TCF4: variants seen among roughly 807,000 people sequenced by gnomAD.
TCF4 encodes transcription factor 4, also known as SL3-3 enhancer factor 2.
TCF4 carries 3 observed loss-of-function variants against 82.1 expected under a neutral mutation model. The ratio of observed to expected loss-of-function variants is 0.04; its 90% confidence interval spans 0.02 to 0.09. The LOEUF (loss-of-function observed/expected upper bound fraction) is 0.09, where lower values mean the gene tolerates loss of function less well. Ranked by LOEUF, TCF4 falls within the 10% of genes least tolerant of loss-of-function variation. The pLI is 1.00. For synonymous variants in TCF4, 276 were observed against 309.6 expected (o/e 0.89, Z 1.14); for missense variants, 518 against 852.7 (o/e 0.61, Z 4.89).
At chr18:55,328,871 C>G (rs1352064101) in intron 8 of TCF4, among the ~76,000 whole-genome samples, 1 of 152,114 alleles carries the variant, frequency 6.6e-6, no homozygotes, top group Non-Finnish European at 1.5e-5. Flanking sequence ...GGTTTTCATT[C>G]TAAATGAACT....
intron 3 of TCF4, among the ~76,000 whole-genome samples, chr18:55,573,799 T>G (rs1038047169): frequency 2.0e-5 from 3 of 152,238 alleles, no homozygotes; most frequent in African/African-American, 7.2e-5. Flanking sequence ...TATCCATTAA[T>G]GTCTGTGTCC....
intron 3 of TCF4, among the ~76,000 whole-genome samples, chr18:55,475,294 C>T (rs2096267625): frequency 6.6e-6 from 1 of 152,110 alleles, no homozygotes; most frequent in South Asian, 2.1e-4. Flanking sequence ...AAATGTTTCT[C>T]AATTTGGGAG....
intron 8 of TCF4, among the ~76,000 whole-genome samples, chr18:55,305,270 G>A (rs959789431): frequency 8.5e-5 from 13 of 152,240 alleles, no homozygotes; most frequent in Admixed American, 8.5e-4. Context: ...TTCTCTTTCT[G>A]TCAACTGGTA....
intron 3 of TCF4, among the ~76,000 whole-genome samples, chr18:55,466,833 C>T (rs972980913): frequency 6.6e-6 from 1 of 152,154 alleles, no homozygotes; most frequent in South Asian, 2.1e-4. Flanking sequence ...AGCGAGCAAT[C>T]CACTAATTAA....
chr18:55,428,901 G>C (rs966937235), intron 5 of TCF4, among the ~76,000 whole-genome samples: 2 of 151,998 alleles, frequency 1.3e-5, no homozygotes, highest in Non-Finnish European at 1.5e-5. Flanking sequence ...ACTGATGAGA[G>C]GTCTACTCTG....
At chr18:55,280,830 C>T (rs1217819617) in intron 8 of TCF4, among the ~76,000 whole-genome samples, 1 of 151,976 alleles carries the variant, frequency 6.6e-6, no homozygotes, top group Non-Finnish European at 1.5e-5. Context: ...TATATAATTG[C>T]TCTCAGAACA....
rs531762936 is a variant in TCF4, at chr18:55,533,189, C to A, written c.145+52091G>T. Among the ~76,000 whole-genome samples, 9 of 152,262 alleles carry A rather than the reference C, an allele frequency of 5.9e-5. No individual in the cohort carries two copies. The East Asian group carries it at 1.7e-3, about 29-fold the overall frequency. On this transcript the variant is annotated intron_variant, in intron 3 of 19. Transcript: ENST00000354452. ...ACACCCCTGATTAAAGTCTGCCAAT[C>A]AACAACCGCAATAAAACCAGCCTCC...
intron 6 of TCF4, among the ~76,000 whole-genome samples, chr18:55,389,369 G>C (rs1442797075): frequency 6.6e-6 from 1 of 152,128 alleles, no homozygotes; most frequent in Non-Finnish European, 1.5e-5. Context: ...CCTAGCCTTT[G>C]CCCTTCTCTG....
At chr18:55,631,504 C>T (rs1394521242) in intron 1 of TCF4, 9 of 1,049,232 alleles carry the variant, frequency 8.6e-6, no homozygotes, top group South Asian at 1.7e-5. Flanking sequence ...GGGTAATGCC[C>T]TACAGGGATG....
chr18:55,585,530 C>G (rs1317572564), intron 2 of TCF4, 178 bp from the exon 3 acceptor site: 1 of 681,378 alleles, frequency 1.5e-6, no homozygotes, highest in African/African-American at 1.8e-5. Flanking sequence ...GATCCCACCC[C>G]AGCCCCCATT....
At chr18:55,334,963 A>G (rs1696946334) in intron 8 of TCF4, among the ~76,000 whole-genome samples, 1 of 152,340 alleles carries the variant, frequency 6.6e-6, no homozygotes, top group Non-Finnish European at 1.5e-5. Context: ...TTTTAAATTT[A>G]ATCATAAAAT....
intron 3 of TCF4, chr18:55,510,854 G>C: frequency 2.1e-6 from 2 of 938,804 alleles, no homozygotes; most frequent in Non-Finnish European, 2.7e-6. Context: ...AGCTACATTA[G>C]AAATTTGAAC....
At chr18:55,432,247 G>A (rs936381618) in intron 5 of TCF4, among the ~76,000 whole-genome samples, 2 of 152,160 alleles carry the variant, frequency 1.3e-5, no homozygotes. Flanking sequence ...AGGCTGCAGT[G>A]GGCCAAGATC....
intron 5 of TCF4, among the ~76,000 whole-genome samples, chr18:55,457,322 G>A (rs547694459): frequency 6.6e-6 from 1 of 152,300 alleles, no homozygotes; most frequent in African/African-American, 2.4e-5. Context: ...ACGTCATTAA[G>A]TCTTCTAGCA....
At chr18:55,533,849 A>T (rs2097091820) in intron 3 of TCF4, among the ~76,000 whole-genome samples, 1 of 152,140 alleles carries the variant, frequency 6.6e-6, no homozygotes. Flanking sequence ...TTATCGTCTC[A>T]TCTACCTTTC....
At chr18:55,244,909 C>T (rs963186264) in intron 15 of TCF4, among the ~76,000 whole-genome samples, 16 of 152,156 alleles carry the variant, frequency 1.1e-4, no homozygotes, top group South Asian at 6.2e-4. Flanking sequence ...AACTCAATAC[C>T]GTGGTTTTTG....
In TCF4 at chr18:55,472,499, T is replaced by C. The variant is rs187446316; in HGVS notation, c.146-8362A>G. Among the ~76,000 whole-genome samples, 754 of 152,296 alleles carry C rather than the reference T, an allele frequency of 5.0e-3. 4 individuals are homozygous for C. Among genetic ancestry groups the C allele is most frequent in the Non-Finnish European group, 8.0e-3 (542 of 68,028 alleles). On this transcript the variant is annotated intron_variant, in intron 3 of 19. Transcript: ENST00000354452. The stretch of plus-strand genomic sequence containing the variant: ...GGACTGGCTAGCTGGGGTCTTCCTC[T>C]TGAAGAGAAGTTAGTCGTTTGGGGA...
chr18:55,388,916 G>T (rs1268273749), intron 6 of TCF4, among the ~76,000 whole-genome samples: 1 of 152,070 alleles, frequency 6.6e-6, no homozygotes, highest in African/African-American at 2.4e-5. Context: ...GAGGTCAGGA[G>T]ATTGAGACCA....
At chr18:55,609,545 A>G (rs894494779) in intron 2 of TCF4, among the ~76,000 whole-genome samples, 7 of 152,192 alleles carry the variant, frequency 4.6e-5, no homozygotes, top group African/African-American at 1.7e-4. Flanking sequence ...GCTTGTGTGT[A>G]CAGAGGAACG....
Sources: gnomAD v4.1 joint callset for allele counts (sites outside exome capture counted in the v4.1 genomes callset) on GRCh38, gnomAD v4.1.1 for gene constraint, MANE v1.5 for transcripts, NCBI Gene and HGNC (gene_info 2026-07-23, HGNC 2026-07-21) for gene names.